The following GATAD2B variants were observed in gnomAD, a reference collection of about 807,000 sequenced individuals.
The protein encoded by GATAD2B is transcriptional repressor p66-beta.
A neutral mutation model predicts 64.3 loss-of-function variants in GATAD2B; 8 were observed. The observed-to-expected ratio is 0.12, with a 90% CI of 0.07 to 0.22. The LOEUF (loss-of-function observed/expected upper bound fraction) is 0.22, where lower values mean the gene tolerates loss of function less well. Among genes scored for constraint, GATAD2B ranks in the 10% least tolerant of loss-of-function variants. The probability of loss-of-function intolerance (pLI) is 1.00; values close to 1 mark genes in which losing one functional copy is unlikely to be tolerated. For missense variants in GATAD2B, 453 were observed against 752.0 expected (o/e 0.60, Z 4.65); for synonymous variants, 281 against 271.3 (o/e 1.04, Z -0.35).
At chr1:153,909,145 T>C (rs926226863) in intron 1 of GATAD2B, among the ~76,000 whole-genome samples, 4 of 152,120 alleles carry the variant, frequency 2.6e-5, no homozygotes, top group Non-Finnish European at 5.9e-5. Context: ...GTGAGGGCTG[T>C]AGTGAGCCAT....
intron 1 of GATAD2B, among the ~76,000 whole-genome samples, chr1:153,894,403 G>A (rs1290409535): frequency 1.3e-5 from 2 of 152,050 alleles, no homozygotes; most frequent in African/African-American, 2.4e-5. Flanking sequence ...AGAAGGCAGA[G>A]GTTGCAGTGA....
chr1:153,836,472 A>AACTCCTG (rs981926543), intron 1 of GATAD2B, among the ~76,000 whole-genome samples: 23 of 151,394 alleles, frequency 1.5e-4, no homozygotes, highest in South Asian at 1.0e-3. Context: ...GCTAGTCTTG[A>AACTCCTG]ACTCCTGACC....
At chr1:153,902,894 G>A (rs1677822187) in intron 1 of GATAD2B, among the ~76,000 whole-genome samples, 1 of 152,084 alleles carries the variant, frequency 6.6e-6, no homozygotes, top group African/African-American at 2.4e-5. Flanking sequence ...GTTATGTGGA[G>A]GCCTTTGCAG....
rs1046308621 is a variant in GATAD2B at position 153,903,150 on chromosome 1, G to A, written c.-2+19583C>T. 1.9e-3 allele frequency among the ~76,000 whole-genome samples: 287 copies of A among 151,960 alleles called. 3 individuals are homozygous for A. The highest frequency in any genetic ancestry group is 4.0e-4 in the Non-Finnish European group (27 of 67,978). On this transcript the variant is annotated intron_variant, in intron 1 of 10. Coordinates refer to ENST00000368655, the MANE Select transcript of GATAD2B (RefSeq NM_020699.4). ...GGAGAATGGAGTGAAACCAGGAGGC[G>A]GAGCTTGCAGTGAACCGAGATCGCT... is the stretch of plus-strand genomic sequence containing the variant.
intron 1 of GATAD2B, among the ~76,000 whole-genome samples, chr1:153,851,215 A>C (rs927454010): frequency 1.3e-5 from 2 of 152,132 alleles, no homozygotes; most frequent in African/African-American, 4.8e-5. Flanking sequence ...TCTTTCTGTG[A>C]CTGTATTATT....
chr1:153,893,763 G>A (rs1169774859), intron 1 of GATAD2B, among the ~76,000 whole-genome samples: 1 of 151,708 alleles, frequency 6.6e-6, no homozygotes, highest in Non-Finnish European at 1.5e-5. Flanking sequence ...TTCGAGAACA[G>A]CCTGGTCAAC....
chr1:153,915,077 G>C (rs1182841011), intron 1 of GATAD2B, among the ~76,000 whole-genome samples: 3 of 152,146 alleles, frequency 2.0e-5, no homozygotes, highest in Non-Finnish European at 4.4e-5. Flanking sequence ...ACAAAAACTA[G>C]CCAGGTGTGG....
At chr1:153,867,344 A>G (rs1676512296) in intron 1 of GATAD2B, among the ~76,000 whole-genome samples, 1 of 152,154 alleles carries the variant, frequency 6.6e-6, no homozygotes, top group Non-Finnish European at 1.5e-5. Flanking sequence ...GGTTAGAAAT[A>G]AATTTGGCAA....
chr1:153,825,769 G>A (rs1674853814), intron 2 of GATAD2B, among the ~76,000 whole-genome samples: 1 of 152,046 alleles, frequency 6.6e-6, no homozygotes, highest in South Asian at 2.1e-4. Flanking sequence ...TATGGAGCAT[G>A]GTTTTAAAAA....
At chr1:153,819,956 C>T (rs770003652) in intron 2 of GATAD2B, among the ~76,000 whole-genome samples, 4 of 151,848 alleles carry the variant, frequency 2.6e-5, no homozygotes, top group Non-Finnish European at 2.9e-5. Context: ...AAATTAGCTG[C>T]GCATGGCGGC....
intron 1 of GATAD2B, among the ~76,000 whole-genome samples, chr1:153,864,690 CA>C (rs1386537156): frequency 6.6e-6 from 1 of 152,096 alleles, no homozygotes. Context: ...AAAGCAACAA[CA>C]AAAAACCAAG....
rs1239016057 is a variant in GATAD2B at position 153,893,621 on chromosome 1, T to A, written c.-2+29112A>T. Reference sequence around the variant, plus strand: ...CAAGACTCTGTCTCAAAAAAAAAAATAAAATAAGTTTACCCCTTCCCCTAA... The same window carrying A: ...CAAGACTCTGTCTCAAAAAAAAAAAAAAAATAAGTTTACCCCTTCCCCTAA... On this transcript the variant is annotated intron_variant, in intron 1 of 10. Coordinates refer to ENST00000368655, the MANE Select transcript of GATAD2B (RefSeq NM_020699.4). Among the ~76,000 whole-genome samples the A allele has an allele frequency of 2.8e-5, 4 of 145,278 alleles. No homozygotes were observed. In the East Asian group the frequency reaches 6.3e-4, roughly 23 times the overall value.
At chr1:153,892,620 C>G (rs540658832) in intron 1 of GATAD2B, among the ~76,000 whole-genome samples, 6 of 148,536 alleles carry the variant, frequency 4.0e-5, no homozygotes, top group Non-Finnish European at 8.9e-5. Flanking sequence ...TTCTGTCCAA[C>G]AATATTATAA....
Position 153,816,040 on chromosome 1 carries a change from G to A in GATAD2B, c.1216+233C>T, listed in dbSNP as rs891204839. Among the ~76,000 whole-genome samples, 3 of 142,846 alleles carry A rather than the reference G, an allele frequency of 2.1e-5. No homozygotes were observed. Among genetic ancestry groups the A allele is most frequent in the Admixed American group, 1.5e-4 (2 of 13,188 alleles). The allele number at this position is 142,846 out of a possible 152,430, so 93.7% of individuals were successfully genotyped here. ...TGCACTCCAGCCTGGGCAACAGAGC[G>A]AGACTGCATCTCAAACAAAACACAC... On this transcript the variant is annotated intron_variant, in intron 7 of 10. Coordinates refer to ENST00000368655, the MANE Select transcript of GATAD2B (RefSeq NM_020699.4). This position sits in a 1 kb window ranked among gnomAD's most constrained non-coding sequence, Gnocchi z 4.9.
chr1:153,811,464 A>G (rs1238822080), intron 10 of GATAD2B: 1 of 498,312 alleles, frequency 2.0e-6, no homozygotes. Flanking sequence ...AAAGAGATCA[A>G]TAACCACATG....
chr1:153,811,628 G>A, intron 10 of GATAD2B, 103 bp downstream of exon 10: 1 of 779,388 alleles, frequency 1.3e-6, no homozygotes, highest in South Asian at 1.5e-5. Context: ...CCTAAAGAAA[G>A]AACAGAAAGT....
intron 1 of GATAD2B, among the ~76,000 whole-genome samples, chr1:153,915,288 G>A (rs964873147): frequency 3.3e-5 from 5 of 152,016 alleles, no homozygotes; most frequent in South Asian, 2.1e-4. Context: ...AGCTGGGCGC[G>A]GTGGCATGCT....
At chr1:153,908,348 A>G (rs1678009784) in intron 1 of GATAD2B, among the ~76,000 whole-genome samples, 2 of 152,206 alleles carry the variant, frequency 1.3e-5, no homozygotes, top group African/African-American at 4.8e-5. Context: ...TAAAAAATGA[A>G]AAGTAAAACA....
rs542873896 is a variant in GATAD2B at position 153,886,285 on chromosome 1, T to C, written c.-2+36448A>G. 2.6e-5 allele frequency: 4 copies of C among 152,312 alleles called. No homozygotes were observed. In the South Asian group the frequency reaches 8.3e-4, roughly 32 times the overall value. 9.4% of individuals were successfully genotyped at this position (152,312 alleles called of 1,614,324 possible). A position where few individuals can be genotyped will look rare whatever the true frequency, so the allele number is the denominator to read the frequency against. On this transcript the variant is annotated intron_variant, in intron 1 of 10. Transcript: ENST00000368655. ...TAAAGTGTATTTAAACAAACCTAGATGGTATAGCCTATTGCTCCTAGGCTA... is the reference window on the plus strand; with the variant it reads ...TAAAGTGTATTTAAACAAACCTAGACGGTATAGCCTATTGCTCCTAGGCTA...
Sources: allele counts gnomAD v4.1 joint callset (sites outside exome capture counted in the v4.1 genomes callset), GRCh38; gene constraint gnomAD v4.1.1; non-coding constraint Gnocchi (gnomAD v3.1); transcripts MANE v1.5; gene names NCBI Gene and HGNC (gene_info 2026-07-23, HGNC 2026-07-21).